ITFG2: variants seen among roughly 807,000 people sequenced by gnomAD.
The protein encoded by ITFG2 is KICSTOR complex protein ITFG2.
In ITFG2, 36 loss-of-function variants were observed where a neutral mutation model predicts 54.4. That is an observed-to-expected ratio of 0.66 (90% confidence interval 0.51 to 0.87). The LOEUF (loss-of-function observed/expected upper bound fraction) is 0.87. Ranked by LOEUF, ITFG2 falls within the 40% of genes least tolerant of loss-of-function variation. ITFG2 has a pLI of 0.00. For synonymous variants in ITFG2, 211 were observed against 225.4 expected (o/e 0.94, Z 0.57); for missense variants, 524 against 576.7 (o/e 0.91, Z 0.94).
chr12:2,828,251 T>C, downstream of ITFG2: 1 of 1,294,566 alleles, frequency 7.7e-7, no homozygotes, highest in African/African-American at 1.5e-5. Flanking sequence ...GCAACTGTCG[T>C]CACTATCTAA....
At chr12:2,839,818 T>G (rs951871905) in intron 1 of ITFG2, among the ~76,000 whole-genome samples, 1 of 152,104 alleles carries the variant, frequency 6.6e-6, no homozygotes, top group Non-Finnish European at 1.5e-5. Context: ...ATGGATGCAG[T>G]TGGAGGACAT....
rs1384328212 is a variant in ITFG2, at chr12:2,823,877, A to T, written c.1174A>T (p.Thr392Ser). Residue 392 changes from threonine (T) to serine (S), a missense_variant, in exon 11 of 12, where the codon ACC becomes TCC. Transcript: ENST00000228799. The stretch of plus-strand genomic sequence containing the variant: ...GGTGCAGCTGGAGCGGATGGAGTCT[A>T]CCAATCTGGTGAAACTGCTGGAGAC... ...WEVQLERMESTNLVKLLETKP... is the reference protein window; with the variant it reads ...WEVQLERMESSNLVKLLETKP... The T allele has an allele frequency of 6.8e-6, 11 of 1,613,622 alleles. No individual in the cohort carries two copies. Among genetic ancestry groups the T allele is most frequent in the Non-Finnish European group, 9.3e-6 (11 of 1,179,738 alleles).
rs1324224157 is a variant in ITFG2, at chr12:2,823,696, T to G, written c.1067-74T>G. 14 of 1,475,122 alleles carry G rather than the reference T, an allele frequency of 9.5e-6. No homozygotes were observed. The East Asian group carries it at 3.2e-4, about 34-fold the overall frequency. The allele number at this position is 1,475,122 out of a possible 1,614,324, so 91.4% of individuals were successfully genotyped here. A position where few individuals can be genotyped will look rare whatever the true frequency, so the allele number is the denominator to read the frequency against. On this transcript the variant is annotated intron_variant, in intron 10 of 11. Transcript: ENST00000228799. ...GATGGAAAGTGCTGACTCGGAGGTCTGTGTCTTGCTGTCTGCCCCCCACTG... is the reference window on the plus strand; with the variant it reads ...GATGGAAAGTGCTGACTCGGAGGTCGGTGTCTTGCTGTCTGCCCCCCACTG...
downstream of ITFG2, chr12:2,827,363 C>T: frequency 2.6e-6 from 4 of 1,556,246 alleles, no homozygotes; most frequent in Non-Finnish European, 3.5e-6. This position sits in a 1 kb window ranked among gnomAD's most constrained non-coding sequence, Gnocchi z 4.0. Flanking sequence ...CGGCCTGCTC[C>T]TTTTGTTCCC....
Position 2,858,571 on chromosome 12 carries a change from G to C in ITFG2, n.620+240G>C, listed in dbSNP as rs761010783. 3 of 1,378,480 alleles carry C rather than the reference G, an allele frequency of 2.2e-6. No individual in the cohort carries two copies. In the East Asian group the frequency reaches 7.0e-5, roughly 32 times the overall value. The allele number at this position is 1,378,480 out of a possible 1,614,324, so 85.4% of individuals were successfully genotyped here. On this transcript the variant is annotated intron_variant and non_coding_transcript_variant, in intron 3 of 3. Transcript: ENST00000537710. ...GCCTGCTGTCCTCACTCAGAGGCTTGGGGTGCACTGAGCCTTGGAGTGCCC... is the reference window on the plus strand; with the variant it reads ...GCCTGCTGTCCTCACTCAGAGGCTTCGGGTGCACTGAGCCTTGGAGTGCCC...
chr12:2,818,405 CATG>C (rs1487800891), intron 4 of ITFG2, 128 bp downstream of exon 4: 2 of 1,510,320 alleles, frequency 1.3e-6, no homozygotes, highest in East Asian at 2.5e-5. Context: ...GCTGAGCTCC[CATG>C]ATAAGCCAGG....
intron 2 of ITFG2, chr12:2,841,004 G>A (rs2098039731): frequency 6.5e-6 from 1 of 152,680 alleles, no homozygotes; most frequent in Admixed American, 6.6e-5. Flanking sequence ...AGGTAAGACA[G>A]GGTAGTCTGG....
rs776852577 is a variant in ITFG2 at position 2,823,940 on chromosome 12, G to A, written c.1237G>A (p.Val413Met). The change falls in exon 11 of 12, where the codon GTG (valine) becomes ATG (methionine). Residue 413 changes from valine (V) to methionine (M), a missense_variant. Physicochemically the swap from Val to Met is conservative, Grantham distance 21. Coordinates refer to ENST00000228799, the MANE Select transcript of ITFG2 (RefSeq NM_018463.4). ...CCACAGCCTGCTGCAGGAGCTGGGCGTGGGTGAGTCCCAGAAAAGCCAGTG... is the reference window on the plus strand; with the variant it reads ...CCACAGCCTGCTGCAGGAGCTGGGCATGGGTGAGTCCCAGAAAAGCCAGTG... ...EYHSLLQELGVDPDDLPVTRA... is the reference protein window; with the variant it reads ...EYHSLLQELGMDPDDLPVTRA... 23 of 1,612,762 alleles carry A rather than the reference G, an allele frequency of 1.4e-5. No individual in the cohort carries two copies. The Admixed American group carries it at 1.8e-4, about 13-fold the overall frequency.
chr12:2,830,755 TC>T, intron 2 of ITFG2: 2 of 1,613,958 alleles, frequency 1.2e-6, no homozygotes, highest in Non-Finnish European at 1.7e-6. Flanking sequence ...CTGGTCTTCC[TC>T]CTGCTCTCCT....
At chr12:2,847,189 T>TA (rs1050723059) in intron 2 of ITFG2, among the ~76,000 whole-genome samples, 1 of 152,168 alleles carries the variant, frequency 6.6e-6, no homozygotes, top group African/African-American at 2.4e-5. Flanking sequence ...TGTATTCTTT[T>TA]AAAAAAAATT....
rs748742342 is a variant in ITFG2 at position 2,824,136 on chromosome 12, C to A, written c.1287C>A (p.Leu429=). ...CTCGTGCCCTGCTTCACCAAACGCT[C>A]TACCATCCAGACCAGCCACCACAGT... is the stretch of plus-strand genomic sequence containing the variant. ...PVTRALLHQT[L]YHPDQPPQCA... is the part of the protein sequence containing the mutation. The change falls in exon 12 of 12, where the codon CTC becomes CTA. Residue 429 remains leucine, a synonymous_variant. Coordinates refer to ENST00000228799, the MANE Select transcript of ITFG2 (RefSeq NM_018463.4). The A allele has an allele frequency of 3.1e-6, 5 of 1,614,212 alleles. No individual in the cohort carries two copies. Among genetic ancestry groups the A allele is most frequent in the Non-Finnish European group, 3.4e-6 (4 of 1,180,044 alleles).
At chr12:2,851,416 C>A (rs1313092450) in intron 2 of ITFG2, among the ~76,000 whole-genome samples, 1 of 152,140 alleles carries the variant, frequency 6.6e-6, no homozygotes, top group Non-Finnish European at 1.5e-5. Context: ...GATCTTGGCT[C>A]ACTGCAACCT....
At position 2,812,671 on chromosome 12, in the gene ITFG2, T is replaced by A; in HGVS notation, c.-90T>A. 4 of 1,021,984 alleles carry A rather than the reference T, an allele frequency of 3.9e-6. No homozygotes were observed. The South Asian group carries it at 5.3e-5, about 13-fold the overall frequency. 63.3% of individuals were successfully genotyped at this position (1,021,984 alleles called of 1,614,324 possible). ...TCAGGCAGTGACGTAACTTGCTGCC[T>A]TAGGTGGCCTTCCGCTCTGGCGGCT... On this transcript the variant is annotated 5_prime_UTR_variant, in exon 1 of 12. Transcript: ENST00000228799.
chr12:2,828,294 C>G (rs2097980231), downstream of ITFG2: 2 of 1,568,988 alleles, frequency 1.3e-6, no homozygotes. Context: ...CAAAAAGAAA[C>G]CCTGTCCCCC....
intron 9 of ITFG2, 90 bp from the exon 10 acceptor site, chr12:2,822,704 A>G: frequency 1.8e-6 from 2 of 1,108,894 alleles, no homozygotes; most frequent in Non-Finnish European, 2.7e-6. Context: ...TGCCGAACCC[A>G]CGGGTGAAAT....
chr12:2,848,725 G>A (rs1448691295), intron 2 of ITFG2, among the ~76,000 whole-genome samples: 1 of 152,176 alleles, frequency 6.6e-6, no homozygotes, highest in Non-Finnish European at 1.5e-5. Context: ...GGTCCAGGGA[G>A]GGGGTGGCAT....
At chr12:2,821,206 C>A in intron 6 of ITFG2, 56 bp from the exon 7 acceptor site, 1 of 1,375,360 alleles carries the variant, frequency 7.3e-7, no homozygotes, top group Non-Finnish European at 1.0e-6. Flanking sequence ...TTACAAAGGG[C>A]TGGAGAGCTC....
At chr12:2,818,845 C>A (rs529220428) in intron 4 of ITFG2, among the ~76,000 whole-genome samples, 1 of 152,006 alleles carries the variant, frequency 6.6e-6, no homozygotes, top group Non-Finnish European at 1.5e-5. Context: ...CGGTGAAACT[C>A]TGTCCCTACT....
intron 1 of ITFG2, among the ~76,000 whole-genome samples, chr12:2,815,663 A>G (rs2097919614): frequency 1.3e-5 from 2 of 152,242 alleles, no homozygotes; most frequent in South Asian, 4.1e-4. Flanking sequence ...TTTTCAAAAC[A>G]TGTCCCATTT....
Sources: allele counts gnomAD v4.1 joint callset (sites outside exome capture counted in the v4.1 genomes callset), GRCh38; gene constraint gnomAD v4.1.1; non-coding constraint Gnocchi (gnomAD v3.1); transcripts MANE v1.5; gene names NCBI Gene and HGNC (gene_info 2026-07-23, HGNC 2026-07-21).